Variants in PCDHA3 observed in about 807,000 individuals in gnomAD.
PCDHA3 encodes the protein protocadherin alpha-3.
A neutral mutation model predicts 62.2 loss-of-function variants in PCDHA3; 41 were observed. The observed-to-expected ratio is 0.66, with a 90% CI of 0.51 to 0.86. PCDHA3 has a LOEUF of 0.86. Ranked by LOEUF, PCDHA3 falls within the 40% of genes least tolerant of loss-of-function variation. The pLI is 0.00. For synonymous variants in PCDHA3, 640 were observed against 555.4 expected (o/e 1.15, Z -2.14); for missense variants, 1,304 against 1,241.2 (o/e 1.05, Z -0.76).
At chr5:140,875,474 T>A in intron 1 of PCDHA3, 2 of 1,606,582 alleles carry the variant, frequency 1.2e-6, no homozygotes, top group Non-Finnish European at 1.7e-6. Flanking sequence ...TTTTCTGCAA[T>A]GGTGATTATC....
At position 140,848,612 on chromosome 5, in the gene PCDHA3, C is replaced by T. The variant is rs141640003; in HGVS notation, c.2394+45021C>T. The T allele has an allele frequency of 2.7e-3, 4,330 of 1,586,952 alleles. 470 individuals carry two copies. Among genetic ancestry groups the T allele is most frequent in the Middle Eastern group, 9.9e-3 (57 of 5,730 alleles). On this transcript the variant is annotated intron_variant, in intron 1 of 3. Coordinates refer to ENST00000522353, the MANE Select transcript of PCDHA3 (RefSeq NM_018906.3). Reference sequence around the variant, plus strand: ...TCCACTACTCCGTCCCGGAGGAAGCCGAACACGGCACCTTCGTGGGCCGCA... The same window carrying T: ...TCCACTACTCCGTCCCGGAGGAAGCTGAACACGGCACCTTCGTGGGCCGCA...
At chr5:140,830,439 TGG>T (rs1771067037) in intron 1 of PCDHA3, 1 of 1,611,042 alleles carries the variant, frequency 6.2e-7, no homozygotes. Flanking sequence ...CCTATTATGA[TGG>T]GTAAGGCGGA....
chr5:140,987,589 G>A (rs1554249335), intron 3 of PCDHA3, among the ~76,000 whole-genome samples: 1 of 152,180 alleles, frequency 6.6e-6, no homozygotes, highest in Non-Finnish European at 1.5e-5. Context: ...GGGGAGAATA[G>A]TGGTGTCTAC....
intron 1 of PCDHA3, among the ~76,000 whole-genome samples, chr5:140,937,911 CA>C (rs200797202): frequency 0.5 from 59,181 of 117,836 alleles, 12,230 homozygotes; most frequent in African/African-American, 0.63. Flanking sequence ...GACTCCGTCT[CA>C]AAAAAAAAAA....
In PCDHA3 at chr5:141,011,948, A is replaced by G. The variant is rs1011232437; in HGVS notation, c.*2011A>G. ...TAGGAGTCTGTTATTTAAAAAAAGC[A>G]TTAAATTTAAAAAAAAACTGTCTTG... On this transcript the variant is annotated 3_prime_UTR_variant, in exon 4 of 4. Transcript: ENST00000522353. 3 of 153,698 alleles carry G rather than the reference A, an allele frequency of 2.0e-5. No homozygotes were observed. The highest frequency in any genetic ancestry group is 4.4e-5 in the Non-Finnish European group (3 of 68,026). The allele number at this position is 153,698 out of a possible 1,614,324, so 9.5% of individuals were successfully genotyped here.
chr5:140,843,354 C>G, intron 1 of PCDHA3: 1 of 1,596,098 alleles, frequency 6.3e-7, no homozygotes, highest in East Asian at 2.2e-5. Context: ...GCTCCAAAAG[C>G]GTCATCGAGG....
chr5:140,896,113 T>A (rs10053583), intron 1 of PCDHA3, among the ~76,000 whole-genome samples: 2,120 of 152,286 alleles, frequency 0.014, 43 homozygotes, highest in African/African-American at 0.049. Flanking sequence ...GCCTGGCCAA[T>A]GTACTGCATT....
rs1229783262 is a variant in PCDHA3 at position 140,850,596 on chromosome 5, A to G, written c.2394+47005A>G. ...GCTGGTGGATGTCAACGTGTACCTG[A>G]TCATCGCCATCTGCGCGGTGTCTAG... On this transcript the variant is annotated intron_variant, in intron 1 of 3. Coordinates refer to ENST00000522353, the MANE Select transcript of PCDHA3 (RefSeq NM_018906.3). 2 of 1,598,308 alleles carry G rather than the reference A, an allele frequency of 1.3e-6. 1 individual carries two copies. The highest frequency in any genetic ancestry group is 1.7e-6 in the Non-Finnish European group (2 of 1,167,786).
intron 1 of PCDHA3, among the ~76,000 whole-genome samples, chr5:140,955,351 A>G (rs246019): frequency 0.56 from 85,599 of 151,868 alleles, 24,746 homozygotes; most frequent in African/African-American, 0.69. Flanking sequence ...ACATGTTGTG[A>G]GAGGGACCCA....
intron 1 of PCDHA3, among the ~76,000 whole-genome samples, chr5:140,952,764 G>A (rs1554220603): frequency 6.6e-6 from 1 of 152,116 alleles, no homozygotes; most frequent in Non-Finnish European, 1.5e-5. Flanking sequence ...CCTGAGACTG[G>A]ATAATTTAGA....
intron 1 of PCDHA3, among the ~76,000 whole-genome samples, chr5:140,889,657 C>T (rs1411654885): frequency 2.0e-5 from 3 of 152,128 alleles, no homozygotes; most frequent in African/African-American, 7.2e-5. Context: ...GAGATGTCCT[C>T]TTCCCAGCCT....
At position 140,870,930 on chromosome 5, in the gene PCDHA3, A is replaced by G. The variant is rs373236202; in HGVS notation, c.2394+67339A>G. ...GCTACAACGCGTGGCTTTCATATGA[A>G]TTGCAGCCGGCGGCGGGCGGCTCGC... On this transcript the variant is annotated intron_variant, in intron 1 of 3. Coordinates refer to ENST00000522353, the MANE Select transcript of PCDHA3 (RefSeq NM_018906.3). 1.9e-6 allele frequency: 3 copies of G among 1,613,850 alleles called. No homozygotes were observed. The East Asian group carries it at 6.7e-5, about 36-fold the overall frequency.
chr5:140,808,154 A>T, intron 1 of PCDHA3: 2 of 1,614,220 alleles, frequency 1.2e-6, no homozygotes, highest in South Asian at 2.2e-5. Flanking sequence ...TGTAGAGGGC[A>T]TTGATAAGGG....
At chr5:140,933,073 T>C (rs1198976304) in intron 1 of PCDHA3, among the ~76,000 whole-genome samples, 1 of 152,026 alleles carries the variant, frequency 6.6e-6, no homozygotes, top group Non-Finnish European at 1.5e-5. Context: ...TAAAGTATTA[T>C]GGGAAGTAAG....
At chr5:140,915,686 A>G (rs1440972076) in intron 1 of PCDHA3, among the ~76,000 whole-genome samples, 2 of 150,988 alleles carry the variant, frequency 1.3e-5, no homozygotes, top group African/African-American at 2.4e-5. Flanking sequence ...AACTAGGGGT[A>G]TGGTGATGCA....
intron 1 of PCDHA3, chr5:140,842,887 G>A: frequency 6.3e-7 from 1 of 1,594,194 alleles, no homozygotes; most frequent in Non-Finnish European, 8.6e-7. Context: ...CGCTGCAGCC[G>A]CTGGACCACG....
intron 1 of PCDHA3, among the ~76,000 whole-genome samples, chr5:140,935,686 C>T (rs943427521): frequency 3.3e-5 from 5 of 152,108 alleles, no homozygotes; most frequent in Non-Finnish European, 7.4e-5. Flanking sequence ...ATTTACATGG[C>T]TCCAAAATAA....
chr5:140,871,489 G>A (rs782277615), intron 1 of PCDHA3: 6 of 1,590,138 alleles, frequency 3.8e-6, no homozygotes, highest in Non-Finnish European at 5.1e-6. Flanking sequence ...AAATCACCCC[G>A]GACAGGTGAG....
rs1554206642 is a variant in PCDHA3, at chr5:140,929,061, G to C, written c.2395-49888G>C. The C allele has an allele frequency of 3.1e-6, 5 of 1,614,196 alleles. No individual in the cohort carries two copies. In the South Asian group the frequency reaches 5.5e-5, roughly 18 times the overall value. On this transcript the variant is annotated intron_variant, in intron 1 of 3. Transcript: ENST00000522353. Reference sequence around the variant, plus strand: ...CTCAGAGCTGCTGTCGCTCTACAGAGGATCTGAGGTATGGAAGTAAGATGG... The same window carrying C: ...CTCAGAGCTGCTGTCGCTCTACAGACGATCTGAGGTATGGAAGTAAGATGG...
Sources: allele counts gnomAD v4.1 joint callset (sites outside exome capture counted in the v4.1 genomes callset), GRCh38; gene constraint gnomAD v4.1.1; transcripts MANE v1.5; gene names NCBI Gene and HGNC (gene_info 2026-07-23, HGNC 2026-07-21).